Variants in EHD1 observed in about 807,000 individuals in gnomAD.
The protein encoded by EHD1 is EH domain containing 1.
Under a neutral mutation model 39.0 loss-of-function variants are expected in EHD1, and 19 were observed. The ratio of observed to expected loss-of-function variants is 0.49; its 90% CI spans 0.34 to 0.72. The LOEUF (loss-of-function observed/expected upper bound fraction) is 0.72. Among genes scored for constraint, EHD1 ranks in the 30% least tolerant of loss-of-function variants. EHD1 has a pLI of 0.01. For missense variants in EHD1, 542 were observed against 751.5 expected (o/e 0.72, Z 3.26); for synonymous variants, 323 against 331.2 (o/e 0.98, Z 0.27).
In EHD1 at chr11:64,854,195, G is replaced by A; in HGVS notation, c.*138C>T. On this transcript the variant is annotated 3_prime_UTR_variant, in exon 5 of 5. Transcript: ENST00000320631. ...GGCCCAGGAACAGCCTTAAAAGAAAGATGGTGGTTTTCCTTTTCGAGAGGC... is the reference window on the plus strand; with the variant it reads ...GGCCCAGGAACAGCCTTAAAAGAAAAATGGTGGTTTTCCTTTTCGAGAGGC... The A allele has an allele frequency of 3.6e-6, 5 of 1,380,094 alleles. No homozygotes were observed. The highest frequency in any genetic ancestry group is 2.5e-5 in the East Asian group (1 of 39,718). 85.5% of individuals were successfully genotyped at this position (1,380,094 alleles called of 1,614,324 possible). A position where few individuals can be genotyped will look rare whatever the true frequency, so the allele number is the denominator to read the frequency against.
chr11:64,859,604 G>A, intron 3 of EHD1: 1 of 317,552 alleles, frequency 3.1e-6, no homozygotes, highest in Non-Finnish European at 5.9e-6. Flanking sequence ...TTCTGAGGCT[G>A]CCTCCTTTGC....
intron 2 of EHD1, among the ~76,000 whole-genome samples, chr11:64,863,634 G>A (rs1356635128): frequency 6.6e-6 from 1 of 152,168 alleles, no homozygotes; most frequent in African/African-American, 2.4e-5. Flanking sequence ...CACTCCTGCC[G>A]CCTGCCCCGG....
At chr11:64,863,401 G>A (rs968410337) in intron 2 of EHD1, among the ~76,000 whole-genome samples, 1 of 152,204 alleles carries the variant, frequency 6.6e-6, no homozygotes, top group Non-Finnish European at 1.5e-5. Context: ...GGTCGCCCAC[G>A]GTGATGGGAG....
chr11:64,870,266 G>A (rs1374054155), intron 2 of EHD1, among the ~76,000 whole-genome samples: 4 of 152,148 alleles, frequency 2.6e-5, no homozygotes, highest in Non-Finnish European at 4.4e-5. Flanking sequence ...CCAAGCTCCC[G>A]GCACTCCTTC....
Position 64,854,655 on chromosome 11 carries a change from T to A in EHD1, c.1283A>T (p.Glu428Val). Residue 428 changes from glutamate (E) to valine (V), a missense_variant, in exon 5 of 5, where the codon GAG becomes GTG. Glu to Val is a moderately radical substitution (Grantham distance 121). Coordinates refer to ENST00000320631, the MANE Select transcript of EHD1 (RefSeq NM_006795.4). ...MNGPFGHGYGEGAGEGIDDVE... is the reference protein window; with the variant it reads ...MNGPFGHGYGVGAGEGIDDVE... ...GTCGTCGATGCCCTCGCCGGCCCCC[T>A]CGCCGTAGCCGTGCCCGAACGGCCC... is the stretch of plus-strand genomic sequence containing the variant. 6.2e-7 allele frequency: 1 copy of A among 1,613,738 alleles called. No individual in the cohort carries two copies. The highest frequency in any genetic ancestry group is 8.5e-7 in the Non-Finnish European group (1 of 1,179,922).
chr11:64,874,490 C>T lies in EHD1; in HGVS notation c.433G>A (p.Val145Ile), dbSNP rs914599045. 1.2e-5 allele frequency: 20 copies of T among 1,609,966 alleles called. No individual in the cohort carries two copies. Among genetic ancestry groups the T allele is most frequent in the African/African-American group, 2.7e-5 (2 of 74,670 alleles). The change falls in exon 2 of 5, where the codon GTC (valine) becomes ATC (isoleucine). Residue 145 changes from valine (V) to isoleucine (I), a missense_variant. By Grantham distance (29) the Val-to-Ile change is conservative. Transcript: ENST00000320631. ...RFMCAQLPNP[V>I]LDSISIIDTP... ...TCGATGATGCTGATGCTGTCCAGGACGGGGTTGGGCAGCTGGGCACACATG... is the reference window on the plus strand; with the variant it reads ...TCGATGATGCTGATGCTGTCCAGGATGGGGTTGGGCAGCTGGGCACACATG...
intron 1 of EHD1, among the ~76,000 whole-genome samples, chr11:64,875,125 C>T (rs931518903): frequency 7.9e-5 from 12 of 152,326 alleles, no homozygotes; most frequent in Admixed American, 4.6e-4. Flanking sequence ...GAGAGGCTGG[C>T]GACTTGCGGG....
chr11:64,861,688 A>C (rs1943718238), intron 2 of EHD1, among the ~76,000 whole-genome samples: 1 of 152,080 alleles, frequency 6.6e-6, no homozygotes, highest in South Asian at 2.1e-4. Flanking sequence ...TGTCTAACAC[A>C]GCAGAGTTCA....
At chr11:64,878,963 G>C (rs1346903457), upstream of EHD1, 3 of 1,004,400 alleles carry the variant, frequency 3.0e-6, no homozygotes, top group African/African-American at 5.2e-5. Flanking sequence ...CCACACCCCC[G>C]CGGGATGGCT....
At chr11:64,864,266 G>A (rs556896427) in intron 2 of EHD1, among the ~76,000 whole-genome samples, 4 of 152,272 alleles carry the variant, frequency 2.6e-5, no homozygotes, top group Non-Finnish European at 5.9e-5. Context: ...GGCTCAGGTG[G>A]ATGGTCGGAG....
upstream of EHD1, chr11:64,879,590 T>A: frequency 6.4e-7 from 1 of 1,551,044 alleles, no homozygotes; most frequent in Non-Finnish European, 8.7e-7. Flanking sequence ...TTTACTGGGA[T>A]CTGTGCCCTA....
intron 2 of EHD1, among the ~76,000 whole-genome samples, chr11:64,869,190 C>T (rs968401796): frequency 1.8e-4 from 28 of 152,258 alleles, no homozygotes; most frequent in African/African-American, 6.5e-4. Flanking sequence ...CCCAGCCCAC[C>T]GCCAGTGCGC....
At chr11:64,863,229 G>A (rs1565719619) in intron 2 of EHD1, among the ~76,000 whole-genome samples, 1 of 152,180 alleles carries the variant, frequency 6.6e-6, no homozygotes, top group Non-Finnish European at 1.5e-5. Context: ...GCCCAAACGA[G>A]TCCTCAGCCC....
chr11:64,878,416 G>C lies in EHD1; in HGVS notation c.49C>G (p.Leu17Val), dbSNP rs1179575966. The change falls in exon 1 of 5, where the codon CTC becomes GTC. Residue 17 changes from leucine to valine, a missense_variant. Coordinates refer to ENST00000320631, the MANE Select transcript of EHD1 (RefSeq NM_006795.4). ...KDARRKKEPE[L>V]FQTVAEGLRQ... ...AGCCCCTCAGCCACCGTCTGGAAGA[G>C]CTCCGGCTCCTTCTTGCGGCGGGCA... 1.2e-6 allele frequency: 2 copies of C among 1,613,508 alleles called. No individual in the cohort carries two copies. The highest frequency in any genetic ancestry group is 2.2e-5 in the South Asian group (2 of 91,072).
intron 2 of EHD1, among the ~76,000 whole-genome samples, chr11:64,871,932 C>T (rs979364513): frequency 2.6e-5 from 4 of 152,220 alleles, no homozygotes; most frequent in Non-Finnish European, 4.4e-5. Context: ...CCAATCAAAA[C>T]GCCATGCTGT....
rs1176558322 is a variant in EHD1 at position 64,851,677 on chromosome 11, T to G, written c.*2656A>C. 1 of 152,278 alleles carries G rather than the reference T, an allele frequency of 6.6e-6. No homozygotes were observed. Among genetic ancestry groups the G allele is most frequent in the African/African-American group, 2.4e-5 (1 of 41,456 alleles). The allele number at this position is 152,278 out of a possible 1,614,324, so 9.4% of individuals were successfully genotyped here. A position where few individuals can be genotyped will look rare whatever the true frequency, so the allele number is the denominator to read the frequency against. On this transcript the variant is annotated 3_prime_UTR_variant, in exon 5 of 5. Transcript: ENST00000320631. ...GCATTTAACCTTTAATGTGGGTCTC[T>G]CAGCCCTGAGTACAGCTGCAGTCTA...
At chr11:64,878,643 G>T, upstream of EHD1, 1 of 1,401,362 alleles carries the variant, frequency 7.1e-7, no homozygotes, top group Admixed American at 3.3e-5. Context: ...CTCGCGGAGC[G>T]GCCTTTATAG....
chr11:64,866,360 A>G (rs938791416), intron 2 of EHD1, among the ~76,000 whole-genome samples: 1 of 152,170 alleles, frequency 6.6e-6, no homozygotes, highest in African/African-American at 2.4e-5. Flanking sequence ...AGAACAACAG[A>G]CACCAGGGCC....
chr11:64,879,514 T>G, upstream of EHD1: 1 of 1,502,268 alleles, frequency 6.7e-7, no homozygotes, highest in Non-Finnish European at 9.0e-7. Flanking sequence ...TTGTGGGAAT[T>G]TAGGGGGAAG....
Sources: gnomAD v4.1 joint callset for allele counts (sites outside exome capture counted in the v4.1 genomes callset) on GRCh38, gnomAD v4.1.1 for gene constraint, MANE v1.5 for transcripts, NCBI Gene and HGNC (gene_info 2026-07-23, HGNC 2026-07-21) for gene names.